Variants in RAD54L2 observed in about 807,000 individuals in gnomAD.
The protein encoded by RAD54L2 is helicase ARIP4.
A neutral mutation model predicts 138.4 loss-of-function variants in RAD54L2; 27 were observed. The ratio of observed to expected loss-of-function variants is 0.20; its 90% CI spans 0.14 to 0.27. The LOEUF (loss-of-function observed/expected upper bound fraction) is 0.27. Among genes scored for constraint, RAD54L2 ranks in the 10% least tolerant of loss-of-function variants. The probability of loss-of-function intolerance (pLI) is 1.00; values close to 1 mark genes in which losing one functional copy is unlikely to be tolerated. For missense variants in RAD54L2, 1,396 were observed against 1,890.2 expected (o/e 0.74, Z 4.85); for synonymous variants, 644 against 723.2 (o/e 0.89, Z 1.76).
At chr3:51,582,861 G>A (rs1235376016) in intron 2 of RAD54L2, among the ~76,000 whole-genome samples, 3 of 151,778 alleles carry the variant, frequency 2.0e-5, no homozygotes, top group African/African-American at 4.9e-5. Context: ...TGCTTCCCGG[G>A]TTCACGCCAT....
chr3:51,636,128 A>G (rs1246596432), intron 10 of RAD54L2, among the ~76,000 whole-genome samples: 1 of 152,268 alleles, frequency 6.6e-6, no homozygotes, highest in Non-Finnish European at 1.5e-5. Flanking sequence ...TGAAGAAAAT[A>G]TAAAGTGTTT....
intron 19 of RAD54L2, among the ~76,000 whole-genome samples, chr3:51,651,625 G>C (rs1701438788): frequency 6.6e-6 from 1 of 151,934 alleles, no homozygotes. Flanking sequence ...TGCAAGGCTG[G>C]TTCAACATAT....
At chr3:51,592,060 T>TG (rs1403265738) in intron 3 of RAD54L2, among the ~76,000 whole-genome samples, 1 of 125,526 alleles carries the variant, frequency 8.0e-6, no homozygotes, top group African/African-American at 3.0e-5. Context: ...TGGTGTTTTT[T>TG]TTTTTTTTTT....
intron 10 of RAD54L2, among the ~76,000 whole-genome samples, chr3:51,636,549 C>T (rs1338984098): frequency 6.6e-6 from 1 of 152,190 alleles, no homozygotes; most frequent in South Asian, 2.1e-4. Context: ...CATTTTTAAT[C>T]CTAGGCTGGC....
At chr3:51,634,693 T>A (rs561426152) in intron 9 of RAD54L2, among the ~76,000 whole-genome samples, 1 of 152,196 alleles carries the variant, frequency 6.6e-6, no homozygotes, top group African/African-American at 2.4e-5. Context: ...TTTTTACTTA[T>A]TACATTTCAC....
intron 3 of RAD54L2, among the ~76,000 whole-genome samples, chr3:51,610,615 G>C (rs1700306651): frequency 6.7e-6 from 1 of 149,802 alleles, no homozygotes; most frequent in Non-Finnish European, 1.5e-5. Flanking sequence ...CTCCAGCCTG[G>C]GTGACAAAAG....
intron 2 of RAD54L2, among the ~76,000 whole-genome samples, chr3:51,546,526 G>A (rs1698699092): frequency 6.6e-6 from 1 of 151,994 alleles, no homozygotes; most frequent in Non-Finnish European, 1.5e-5. Context: ...TGTAATCTCA[G>A]CTACTTAGGA....
chr3:51,636,091 A>G (rs138552044), intron 10 of RAD54L2, among the ~76,000 whole-genome samples: 4 of 152,308 alleles, frequency 2.6e-5, no homozygotes, highest in South Asian at 2.1e-4. Context: ...TTCCTTTACC[A>G]CTTTCTAGAG....
At chr3:51,590,775 T>G (rs866327698) in intron 3 of RAD54L2, among the ~76,000 whole-genome samples, 14 of 152,238 alleles carry the variant, frequency 9.2e-5, no homozygotes, top group Non-Finnish European at 1.0e-4. Context: ...GGAAGAACCT[T>G]TAGCCTTTAG....
intron 2 of RAD54L2, among the ~76,000 whole-genome samples, chr3:51,558,178 G>C (rs539274929): frequency 6.6e-6 from 1 of 152,240 alleles, no homozygotes; most frequent in African/African-American, 2.4e-5. Flanking sequence ...AGTCTGGCTT[G>C]TAAGGCTCTG....
chr3:51,635,865 T>C (rs1700972797), intron 10 of RAD54L2, 76 bp downstream of exon 10: 1 of 1,397,418 alleles, frequency 7.2e-7, no homozygotes, highest in Admixed American at 2.5e-5. Flanking sequence ...TAGCACCTAG[T>C]CAGATGTAAA....
intron 2 of RAD54L2, among the ~76,000 whole-genome samples, chr3:51,587,034 C>G (rs1699726307): frequency 6.6e-6 from 1 of 151,948 alleles, no homozygotes; most frequent in African/African-American, 2.4e-5. Context: ...TTGTTGATAT[C>G]TAATTGATTT....
intron 1 of RAD54L2, among the ~76,000 whole-genome samples, chr3:51,540,669 T>C (rs1250048041): frequency 6.6e-6 from 1 of 152,252 alleles, no homozygotes; most frequent in Non-Finnish European, 1.5e-5. Flanking sequence ...TGTTAGGTAA[T>C]TCTGTTTGTA....
At chr3:51,570,518 G>A (rs1381849874) in intron 2 of RAD54L2, among the ~76,000 whole-genome samples, 3 of 151,478 alleles carry the variant, frequency 2.0e-5, no homozygotes, top group South Asian at 2.1e-4. Flanking sequence ...GTGCAGTGGC[G>A]CGATCTCGGC....
chr3:51,620,105 T>C (rs1700535104), intron 3 of RAD54L2, among the ~76,000 whole-genome samples: 1 of 151,820 alleles, frequency 6.6e-6, no homozygotes, highest in Non-Finnish European at 1.5e-5. Context: ...CATTTTTTTG[T>C]TTTAATAGAC....
At position 51,549,895 on chromosome 3, in the gene RAD54L2, T is replaced by C. The variant is rs543113262; in HGVS notation, c.-55+8245T>C. On this transcript the variant is annotated intron_variant, in intron 2 of 22. Transcript: ENST00000684192. Reference sequence around the variant, plus strand: ...CACACCCTATCTCTTCATTTTTCTTTCCCTGTGTTTCACCTACCTCCCCTA... The same window carrying C: ...CACACCCTATCTCTTCATTTTTCTTCCCCTGTGTTTCACCTACCTCCCCTA... Among the ~76,000 whole-genome samples, 14 of 152,232 alleles carry C rather than the reference T, an allele frequency of 9.2e-5. No individual in the cohort carries two copies. The South Asian group carries it at 2.7e-3, about 29-fold the overall frequency.
chr3:51,541,012 G>A (rs948942957), intron 1 of RAD54L2: 1 of 127,132 alleles, frequency 7.9e-6, no homozygotes, highest in Non-Finnish European at 1.5e-5. Flanking sequence ...CTGCACTCCA[G>A]CCTCAGCGAC....
chr3:51,639,770 T>C (rs2106815306), intron 13 of RAD54L2, 100 bp downstream of exon 13: 1 of 1,524,954 alleles, frequency 6.6e-7, no homozygotes. Context: ...CTAGGGTCTC[T>C]GTATGGAATT....
intron 3 of RAD54L2, among the ~76,000 whole-genome samples, chr3:51,608,240 C>CA (rs1700248590): frequency 6.7e-6 from 1 of 149,316 alleles, no homozygotes; most frequent in Admixed American, 6.7e-5. Context: ...GGCGGCGGGG[C>CA]AGAGGCACTC....
Sources: gnomAD v4.1 joint callset for allele counts (sites outside exome capture counted in the v4.1 genomes callset) on GRCh38, gnomAD v4.1.1 for gene constraint, MANE v1.5 for transcripts, NCBI Gene and HGNC (gene_info 2026-07-23, HGNC 2026-07-21) for gene names.